EPS15L1: variants seen among roughly 807,000 people sequenced by gnomAD.
EPS15L1 encodes the protein epidermal growth factor receptor pathway substrate 15 like 1, also known as epidermal growth factor receptor substrate 15-like 1.
In EPS15L1, 43 loss-of-function variants were observed where a neutral mutation model predicts 117.1. The observed-to-expected ratio is 0.37, with a 90% CI of 0.29 to 0.47. The LOEUF (loss-of-function observed/expected upper bound fraction) is 0.47. Ranked by LOEUF, EPS15L1 falls within the 20% of genes least tolerant of loss-of-function variation. EPS15L1 has a pLI of 0.99. For missense variants in EPS15L1, 981 were observed against 1,164.0 expected, an observed-to-expected ratio of 0.84 and a Z score of 2.29; for synonymous variants, 459 against 470.5, an observed-to-expected ratio of 0.98 and a Z score of 0.32.
chr19:16,431,311 T>A (rs2092925290), intron 7 of EPS15L1, among the ~76,000 whole-genome samples: 1 of 145,926 alleles, frequency 6.9e-6, no homozygotes, highest in Non-Finnish European at 1.5e-5. Context: ...GTATACATTC[T>A]TTTTTTTTTT....
intron 20 of EPS15L1, 33 bp downstream of exon 20, chr19:16,386,138 T>C (rs144918680): frequency 1.7e-5 from 27 of 1,543,654 alleles, no homozygotes; most frequent in South Asian, 2.3e-5. Flanking sequence ...GCCCAAGGAA[T>C]AGTCAGGAAG....
intron 16 of EPS15L1, chr19:16,401,271 C>T (rs1374439439): frequency 2.0e-6 from 2 of 985,320 alleles, no homozygotes; most frequent in South Asian, 4.7e-5. Flanking sequence ...CCAGGGGACG[C>T]GTGTGCTTCC....
intron 1 of EPS15L1, among the ~76,000 whole-genome samples, chr19:16,458,798 C>T (rs986372714): frequency 2.5e-4 from 38 of 152,322 alleles, no homozygotes; most frequent in African/African-American, 7.9e-4. Context: ...CTCCTTCCCC[C>T]GGCTGGCAGA....
rs879515672 is a variant in EPS15L1 at position 16,355,415 on chromosome 19, AC to A, written c.*289del. ...CCTGGGTGCTTCCTCTCCTCGACTG[AC>A]CGCTGTGTGTTCGTCCCCAGAGGAA... is the stretch of plus-strand genomic sequence containing the variant. On this transcript the variant is annotated 3_prime_UTR_variant, in exon 24 of 24. Coordinates refer to ENST00000455140, the MANE Select transcript of EPS15L1 (RefSeq NM_001258374.3). 12 of 389,828 alleles carry A rather than the reference AC, an allele frequency of 3.1e-5. No individual in the cohort carries two copies. The highest frequency in any genetic ancestry group is 5.6e-5 in the Non-Finnish European group (12 of 215,098). The allele number at this position is 389,828 out of a possible 1,614,324, so 24.1% of individuals were successfully genotyped here. A position where few individuals can be genotyped will look rare whatever the true frequency, so the allele number is the denominator to read the frequency against.
At chr19:16,402,021 GA>G in intron 16 of EPS15L1, 1 of 1,145,364 alleles carries the variant, frequency 8.7e-7, no homozygotes, top group Admixed American at 4.3e-5. Context: ...GAAGCCCTCT[GA>G]ACTTGGGTGG....
Position 16,430,429 on chromosome 19 carries a change from T to A in EPS15L1, c.499-1668A>T, listed in dbSNP as rs146492800. Among the ~76,000 whole-genome samples, 567 of 152,298 alleles carry A rather than the reference T, an allele frequency of 3.7e-3. 3 individuals are homozygous for A. The highest frequency in any genetic ancestry group is 0.013 in the African/African-American group (533 of 41,562). On this transcript the variant is annotated intron_variant, in intron 7 of 23. Transcript: ENST00000455140. ...CCACAACTGTGCAACCAAGGTGACT[T>A]CCCAACCACCCTGAAGATCTGCTTC...
At chr19:16,376,384 T>C (rs748262) in intron 22 of EPS15L1, among the ~76,000 whole-genome samples, 137,292 of 152,268 alleles carry the variant, frequency 0.9, 62,400 homozygotes, top group South Asian at 0.96. Context: ...AACTCTGTCA[T>C]ACGAGAGAAA....
At chr19:16,440,095 G>A (rs2093016103) in intron 4 of EPS15L1, among the ~76,000 whole-genome samples, 1 of 146,802 alleles carries the variant, frequency 6.8e-6, no homozygotes, top group Non-Finnish European at 1.5e-5. Flanking sequence ...CTCTGATTAA[G>A]GCCTTTAGTC....
intron 1 of EPS15L1, among the ~76,000 whole-genome samples, chr19:16,455,346 G>A (rs936849866): frequency 2.6e-5 from 4 of 151,714 alleles, no homozygotes; most frequent in African/African-American, 9.7e-5. Flanking sequence ...GGCTGGTCTT[G>A]AACTCCTGGC....
intron 16 of EPS15L1, among the ~76,000 whole-genome samples, chr19:16,400,449 T>C (rs1334531217): frequency 6.6e-6 from 1 of 150,878 alleles, no homozygotes; most frequent in Admixed American, 6.6e-5. Context: ...TGTCCAAACA[T>C]AGGAAGTTCC....
At chr19:16,382,992 C>T (rs1040097757) in intron 21 of EPS15L1, 6 of 152,112 alleles carry the variant, frequency 3.9e-5, no homozygotes, top group Non-Finnish European at 7.4e-5. Flanking sequence ...TTGCCACTTT[C>T]ATTTCCCTTA....
intron 8 of EPS15L1, among the ~76,000 whole-genome samples, chr19:16,428,442 AGGAG>A (rs1360745472): frequency 8.0e-5 from 9 of 112,670 alleles, no homozygotes; most frequent in African/African-American, 2.2e-4. Flanking sequence ...GAAGGAAGGA[AGGAG>A]GGAGGGAGGG....
chr19:16,394,305 C>G (rs1479076989), intron 17 of EPS15L1, among the ~76,000 whole-genome samples: 1 of 152,148 alleles, frequency 6.6e-6, no homozygotes, highest in Non-Finnish European at 1.5e-5. Context: ...TCACTCCTCT[C>G]TTCCCATGCT....
In EPS15L1 at chr19:16,471,579, C is replaced by T. The variant is rs1323175200; in HGVS notation, c.33+334G>A. 6.6e-6 allele frequency among the ~76,000 whole-genome samples: 1 copy of T among 152,212 alleles called. No homozygotes were observed. Among genetic ancestry groups the T allele is most frequent in the Non-Finnish European group, 1.5e-5 (1 of 68,024 alleles). On this transcript the variant is annotated intron_variant, in intron 1 of 23. Transcript: ENST00000455140. This position sits in a 1 kb window ranked among gnomAD's most constrained non-coding sequence, Gnocchi z 4.8. ...CGCCGCGCCGACAGAAACGCTCGCACCCCTCGCCCACCCCTCCGGGATGCA... is the reference window on the plus strand; with the variant it reads ...CGCCGCGCCGACAGAAACGCTCGCATCCCTCGCCCACCCCTCCGGGATGCA...
At chr19:16,447,117 G>A (rs754230253) in intron 1 of EPS15L1, among the ~76,000 whole-genome samples, 3 of 152,170 alleles carry the variant, frequency 2.0e-5, no homozygotes, top group Non-Finnish European at 4.4e-5. Context: ...CTCCCAGCAG[G>A]CCGGCCCACA....
intron 1 of EPS15L1, among the ~76,000 whole-genome samples, chr19:16,459,915 A>G (rs1048635352): frequency 6.6e-6 from 1 of 152,190 alleles, no homozygotes; most frequent in Non-Finnish European, 1.5e-5. Context: ...TGGCTACACT[A>G]TGGTACATAT....
chr19:16,385,376 T>A (rs2092409633), intron 20 of EPS15L1, among the ~76,000 whole-genome samples, 165 bp from the exon 21 acceptor site: 1 of 152,196 alleles, frequency 6.6e-6, no homozygotes, highest in African/African-American at 2.4e-5. Flanking sequence ...AAGGCCCCCC[T>A]GCCCACTCTG....
chr19:16,366,590 A>G (rs2092136248), intron 22 of EPS15L1, among the ~76,000 whole-genome samples: 1 of 152,310 alleles, frequency 6.6e-6, no homozygotes, highest in Middle Eastern at 3.4e-3. Flanking sequence ...CTATGGTAAT[A>G]TGAAACCAGG....
At chr19:16,459,193 T>C (rs1239746812) in intron 1 of EPS15L1, among the ~76,000 whole-genome samples, 1 of 152,240 alleles carries the variant, frequency 6.6e-6, no homozygotes, top group Non-Finnish European at 1.5e-5. Flanking sequence ...GGTGCGTGAC[T>C]GCATTCCCTA....
Sources: gnomAD v4.1 joint callset for allele counts (sites outside exome capture counted in the v4.1 genomes callset) on GRCh38, gnomAD v4.1.1 for gene constraint, Gnocchi (gnomAD v3.1) non-coding constraint, MANE v1.5 for transcripts, NCBI Gene and HGNC (gene_info 2026-07-23, HGNC 2026-07-21) for gene names.